The following FAM83D variants were observed in gnomAD, a reference collection of about 807,000 sequenced individuals.
FAM83D encodes the protein protein FAM83D.
FAM83D carries 26 observed loss-of-function variants against 25.4 expected under a neutral mutation model. The ratio of observed to expected loss-of-function variants is 1.02; its 90% CI spans 0.75 to 1.42. The LOEUF is 1.42. FAM83D is among the 40% of genes most tolerant of loss of function. The pLI is 0.00. For synonymous variants in FAM83D, 310 were observed against 318.5 expected (o/e 0.97, Z 0.28); for missense variants, 740 against 758.1 (o/e 0.98, Z 0.28).
At position 38,951,964 on chromosome 20, in the gene FAM83D, G is replaced by A. The variant is rs778632522; in HGVS notation, c.1202G>A (p.Gly401Glu). 4.3e-6 allele frequency: 7 copies of A among 1,614,004 alleles called. No individual in the cohort carries two copies. Among genetic ancestry groups the A allele is most frequent in the Non-Finnish European group, 5.1e-6 (6 of 1,180,036 alleles). Residue 401 changes from glycine (G) to glutamate (E), a missense_variant, in exon 4 of 4, where the codon GGG becomes GAG. By Grantham distance (98) the Gly-to-Glu change is moderately conservative (BLOSUM62 -2). This residue lies in a region of FAM83D where 375 missense variants were observed against 403.2 expected (regional missense o/e 0.93). Transcript: ENST00000619850. The part of the protein sequence containing the change: ...TQTEPGEEMP[G>E]LSVSEVGTQT... ...ACAGAGCCAGGAGAGGAGATGCCAGGGCTGAGTGTGAGTGAGGTGGGAACA... is the reference window on the plus strand; with the variant it reads ...ACAGAGCCAGGAGAGGAGATGCCAGAGCTGAGTGTGAGTGAGGTGGGAACA...
intron 1 of FAM83D, among the ~76,000 whole-genome samples, chr20:38,928,411 T>C (rs1468520712): frequency 4.6e-5 from 7 of 152,196 alleles, no homozygotes; most frequent in African/African-American, 1.7e-4. Context: ...GCTAGGCTCT[T>C]ACCAGCCCTG....
chr20:38,941,869 C>A, intron 1 of FAM83D, 90 bp from the exon 2 acceptor site: 1 of 1,287,048 alleles, frequency 7.8e-7, no homozygotes, highest in Non-Finnish European at 1.1e-6. Context: ...GATCATTTCC[C>A]AGTTCTGAGT....
At chr20:38,943,988 G>A (rs1056260612) in intron 2 of FAM83D, among the ~76,000 whole-genome samples, 1 of 152,160 alleles carries the variant, frequency 6.6e-6, no homozygotes, top group Non-Finnish European at 1.5e-5. Flanking sequence ...CACCATATCC[G>A]GCCCAGAATT....
intron 2 of FAM83D, among the ~76,000 whole-genome samples, chr20:38,944,756 G>C (rs1195253664): frequency 2.0e-5 from 3 of 152,150 alleles, no homozygotes; most frequent in African/African-American, 7.2e-5. Flanking sequence ...TGGCTAACAC[G>C]GTGAAACCGC....
At position 38,949,963 on chromosome 20, in the gene FAM83D, C is replaced by T. The variant is rs566111606; in HGVS notation, c.777-1576C>T. On this transcript the variant is annotated intron_variant, in intron 3 of 3. Coordinates refer to ENST00000619850, the MANE Select transcript of FAM83D (RefSeq NM_030919.3). ...CCTCCCGAGTAGCTGGGACTACAGG[C>T]GCCCGCCACCACGCCCAGCTAACTT... Among the ~76,000 whole-genome samples the T allele has an allele frequency of 9.2e-5, 14 of 152,268 alleles. No individual in the cohort carries two copies. The South Asian group carries it at 1.7e-3, about 18-fold the overall frequency.
At position 38,951,967 on chromosome 20, in the gene FAM83D, T is replaced by A. The variant is rs753794218; in HGVS notation, c.1205T>A (p.Leu402Gln). 1.2e-6 allele frequency: 2 copies of A among 1,614,162 alleles called. No homozygotes were observed. Among genetic ancestry groups the A allele is most frequent in the Non-Finnish European group, 1.7e-6 (2 of 1,180,012 alleles). The change falls in exon 4 of 4, where the codon CTG becomes CAG. Residue 402 changes from leucine (L) to glutamine (Q), a missense_variant. Physicochemically the swap from Leu to Gln is moderately radical, Grantham distance 113 (BLOSUM62 -2). Transcript: ENST00000619850. ...GAGCCAGGAGAGGAGATGCCAGGGCTGAGTGTGAGTGAGGTGGGAACACAA... is the reference window on the plus strand; with the variant it reads ...GAGCCAGGAGAGGAGATGCCAGGGCAGAGTGTGAGTGAGGTGGGAACACAA... ...QTEPGEEMPG[L>Q]SVSEVGTQTS...
chr20:38,938,078 T>C (rs1273099549), intron 1 of FAM83D, among the ~76,000 whole-genome samples: 1 of 152,198 alleles, frequency 6.6e-6, no homozygotes, highest in Non-Finnish European at 1.5e-5. Context: ...CGCACCCTGA[T>C]GGTGTTAAGG....
Position 38,952,542 on chromosome 20 carries a change from G to A in FAM83D, c.*22G>A. 2 of 1,597,130 alleles carry A rather than the reference G, an allele frequency of 1.3e-6. No individual in the cohort carries two copies. On this transcript the variant is annotated 3_prime_UTR_variant, in exon 4 of 4. Transcript: ENST00000619850. ...GTAACTGCTCCGTGTTCAGACTCCT[G>A]GTTTCTTCCAGGCTTACAGTGGACA...
At position 38,951,918 on chromosome 20, in the gene FAM83D, G is replaced by A; in HGVS notation, c.1156G>A (p.Ala386Thr). 1 of 1,614,132 alleles carries A rather than the reference G, an allele frequency of 6.2e-7. No individual in the cohort carries two copies. Among genetic ancestry groups the A allele is most frequent in the Non-Finnish European group, 8.5e-7 (1 of 1,180,036 alleles). ...CAGGGACGAGCTCCAGAGCAGAAAG[G>A]CCATTGACGCTGCCACTCAAACAGA... ...SHRDELQSRK[A>T]IDAATQTEPG... is the part of the protein sequence containing the mutation. The change falls in exon 4 of 4, where the codon GCC (alanine) becomes ACC (threonine). Residue 386 changes from alanine to threonine, a missense_variant. By Grantham distance (58) the Ala-to-Thr change is moderately conservative (BLOSUM62 0). Around this residue, in one of 3 missense-constraint regions of FAM83D, gnomAD observed 375 missense variants for 403.2 expected, o/e 0.93. Coordinates refer to ENST00000619850, the MANE Select transcript of FAM83D (RefSeq NM_030919.3).
chr20:38,940,693 G>A (rs1167190879), intron 1 of FAM83D, among the ~76,000 whole-genome samples: 1 of 152,128 alleles, frequency 6.6e-6, no homozygotes, highest in African/African-American at 2.4e-5. Flanking sequence ...TTCTAAGCCT[G>A]GAGGTTTGGA....
chr20:38,928,652 C>T (rs1761778727), intron 1 of FAM83D, among the ~76,000 whole-genome samples: 1 of 152,100 alleles, frequency 6.6e-6, no homozygotes, highest in Non-Finnish European at 1.5e-5. Flanking sequence ...TTAGTGATAG[C>T]AAAAGGGCAC....
At chr20:38,939,173 G>A (rs1345529711) in intron 1 of FAM83D, among the ~76,000 whole-genome samples, 1 of 152,146 alleles carries the variant, frequency 6.6e-6, no homozygotes, top group African/African-American at 2.4e-5. Context: ...GCTTCCTGCG[G>A]GAATGCCTTC....
chr20:38,934,493 CA>C (rs34435879), intron 1 of FAM83D, among the ~76,000 whole-genome samples: 1,497 of 78,018 alleles, frequency 0.019, 14 homozygotes, highest in African/African-American at 0.051. Flanking sequence ...AACTCCGTCT[CA>C]AAAAAAAAAA....
rs2145797593 is a variant in FAM83D at position 38,926,888 on chromosome 20, A to G, written c.446A>G (p.Lys149Arg). 2.0e-6 allele frequency: 3 copies of G among 1,493,188 alleles called. No homozygotes were observed. In the African/African-American group the frequency reaches 4.2e-5, roughly 21 times the overall value. The allele number at this position is 1,493,188 out of a possible 1,614,324, so 92.5% of individuals were successfully genotyped here. Residue 149 changes from lysine (K) to arginine (R), a missense_variant, in exon 1 of 4, where the codon AAG (lysine) becomes AGG (arginine). By Grantham distance (26) the Lys-to-Arg change is conservative (BLOSUM62 2). Transcript: ENST00000619850. ...GAGEGGPYGC[K>R]DALRQQLRSA... ...GGCGAAGGTGGCCCCTACGGCTGCA[A>G]GGACGCTCTGCGCCAGCAGCTCCGC...
chr20:38,944,954 G>A (rs2085720562), intron 2 of FAM83D, among the ~76,000 whole-genome samples: 1 of 149,516 alleles, frequency 6.7e-6, no homozygotes, highest in African/African-American at 2.5e-5. Flanking sequence ...AAAAAAAAAA[G>A]GCCTATTTCT....
intron 1 of FAM83D, among the ~76,000 whole-genome samples, chr20:38,935,461 G>A (rs1377372715): frequency 6.6e-6 from 1 of 152,140 alleles, no homozygotes; most frequent in Non-Finnish European, 1.5e-5. Flanking sequence ...TTGTTTGTTT[G>A]AGACAAGTTC....
At chr20:38,951,449 A>T in intron 3 of FAM83D, 90 bp from the exon 4 acceptor site, 1 of 1,425,052 alleles carries the variant, frequency 7.0e-7, no homozygotes. Context: ...ATGTGGTAAG[A>T]TACCTGTACT....
In FAM83D at chr20:38,951,858, T is replaced by C. The variant is rs1568701173; in HGVS notation, c.1096T>C (p.Ser366Pro). 1 of 1,614,174 alleles carries C rather than the reference T, an allele frequency of 6.2e-7. No individual in the cohort carries two copies. Among genetic ancestry groups the C allele is most frequent in the East Asian group, 2.2e-5 (1 of 44,866 alleles). The change falls in exon 4 of 4, where the codon TCT becomes CCT. Residue 366 changes from serine to proline, a missense_variant. By Grantham distance (74) the Ser-to-Pro change is moderately conservative. Coordinates refer to ENST00000619850, the MANE Select transcript of FAM83D (RefSeq NM_030919.3). ...GCGCAAGCCCCATGACTGTGAGTCC[T>C]CTACTGTTAGTGAGGAAGACTACTT... ...AERKPHDCES[S>P]TVSEEDYFSS...
In FAM83D at chr20:38,926,629, G is replaced by A. The variant is rs747426389; in HGVS notation, c.187G>A (p.Asp63Asn). 2 of 1,540,202 alleles carry A rather than the reference G, an allele frequency of 1.3e-6. No individual in the cohort carries two copies. Among genetic ancestry groups the A allele is most frequent in the South Asian group, 1.2e-5 (1 of 84,842 alleles). The change falls in exon 1 of 4, where the codon GAT becomes AAT. Residue 63 changes from aspartate to asparagine, a missense_variant. Around this residue, in one of 3 missense-constraint regions of FAM83D, gnomAD observed 333 missense variants for 298.6 expected, o/e 1.12. Coordinates refer to ENST00000619850, the MANE Select transcript of FAM83D (RefSeq NM_030919.3). Reference sequence around the variant, plus strand: ...GCGCCTGGCTCGTTTCCTGAACCCCGATGAGGTGCACGCCATTCTGCGCGC... The same window carrying A: ...GCGCCTGGCTCGTTTCCTGAACCCCAATGAGGTGCACGCCATTCTGCGCGC... ...RERLARFLNP[D>N]EVHAILRAAE... is the part of the protein sequence containing the mutation.
Sources: allele counts gnomAD v4.1 joint callset (sites outside exome capture counted in the v4.1 genomes callset), GRCh38; gene constraint gnomAD v4.1.1; regional missense constraint gnomAD v4.1.1; transcripts MANE v1.5; gene names NCBI Gene and HGNC (gene_info 2026-07-23, HGNC 2026-07-21).